The following TMEM108 variants were observed in gnomAD, a reference collection of about 807,000 sequenced individuals.
TMEM108 encodes transmembrane protein 108.
TMEM108 carries 12 observed loss-of-function variants against 35.1 expected under a neutral mutation model. The observed-to-expected ratio is 0.34, with a 90% CI of 0.22 to 0.55. The LOEUF is 0.55. Among genes scored for constraint, TMEM108 ranks in the 20% least tolerant of loss-of-function variants. TMEM108 has a pLI of 0.89. For synonymous variants in TMEM108, 287 were observed against 308.6 expected, an observed-to-expected ratio of 0.93 and a Z score of 0.73; for missense variants, 680 against 753.3, an observed-to-expected ratio of 0.90 and a Z score of 1.14.
At chr3:133,218,477 C>T (rs1945940953) in intron 2 of TMEM108, among the ~76,000 whole-genome samples, 1 of 151,844 alleles carries the variant, frequency 6.6e-6, no homozygotes, top group Non-Finnish European at 1.5e-5. Flanking sequence ...TGTCTTGTTC[C>T]TGATCTTAAA....
intron 2 of TMEM108, among the ~76,000 whole-genome samples, chr3:133,071,204 G>T (rs1434947628): frequency 1.3e-5 from 2 of 152,142 alleles, no homozygotes; most frequent in African/African-American, 4.8e-5. Flanking sequence ...GTGTATCACA[G>T]AGTGGGTGGC....
chr3:133,295,380 G>A (rs1023492323), intron 3 of TMEM108, among the ~76,000 whole-genome samples: 1 of 152,112 alleles, frequency 6.6e-6, no homozygotes, highest in Non-Finnish European at 1.5e-5. Flanking sequence ...AGCATGTGGT[G>A]GTAGGCCCAT....
chr3:133,224,693 C>T (rs1157820143), intron 2 of TMEM108, among the ~76,000 whole-genome samples: 5 of 152,092 alleles, frequency 3.3e-5, no homozygotes, highest in Admixed American at 6.5e-5. Flanking sequence ...GAGTCCTCCC[C>T]AGCCGTGTGG....
chr3:133,360,064 C>T (rs553063810), intron 3 of TMEM108, among the ~76,000 whole-genome samples: 12 of 147,126 alleles, frequency 8.2e-5, no homozygotes, highest in South Asian at 2.1e-4. Flanking sequence ...GGATAAATTT[C>T]GCAGATGTTA....
At chr3:133,195,620 G>A (rs760736622) in intron 2 of TMEM108, among the ~76,000 whole-genome samples, 10 of 152,108 alleles carry the variant, frequency 6.6e-5, no homozygotes, top group Non-Finnish European at 1.2e-4. Flanking sequence ...TTGAGTCCGC[G>A]GGATATATTG....
chr3:133,267,102 C>G lies in TMEM108; in HGVS notation c.40+37751C>G, dbSNP rs562242196. On this transcript the variant is annotated intron_variant, in intron 3 of 5. Transcript: ENST00000321871. ...CCTCAAAAAAAAAAAAAAAAGAACTCCCAAGGTAAAGGGATATAGTTGCTG... is the reference window on the plus strand; with the variant it reads ...CCTCAAAAAAAAAAAAAAAAGAACTGCCAAGGTAAAGGGATATAGTTGCTG... Among the ~76,000 whole-genome samples, 63 of 149,788 alleles carry G rather than the reference C, an allele frequency of 4.2e-4. 1 individual carries two copies. Among genetic ancestry groups the G allele is most frequent in the African/African-American group, 1.4e-3 (57 of 40,910 alleles).
chr3:133,154,448 T>C (rs1427421309), intron 2 of TMEM108, among the ~76,000 whole-genome samples: 2 of 152,130 alleles, frequency 1.3e-5, no homozygotes, highest in Non-Finnish European at 2.9e-5. Flanking sequence ...CTTTAATCCA[T>C]CTTGAATTAA....
intron 3 of TMEM108, among the ~76,000 whole-genome samples, chr3:133,306,981 C>G (rs1018946105): frequency 6.6e-6 from 1 of 152,184 alleles, no homozygotes; most frequent in African/African-American, 2.4e-5. Flanking sequence ...AATTTACACT[C>G]CCACCAACAG....
At chr3:133,342,334 T>C (rs1477402118) in intron 3 of TMEM108, among the ~76,000 whole-genome samples, 1 of 150,924 alleles carries the variant, frequency 6.6e-6, no homozygotes, top group African/African-American at 2.4e-5. Flanking sequence ...ATAATTTAAT[T>C]ATACATTTTA....
chr3:133,194,170 C>T (rs4854699), intron 2 of TMEM108, among the ~76,000 whole-genome samples: 30,428 of 151,950 alleles, frequency 0.2, 3,937 homozygotes, highest in East Asian at 0.39. Context: ...CTCCTGACCT[C>T]GTGATCCGCC....
intron 2 of TMEM108, among the ~76,000 whole-genome samples, chr3:133,220,422 G>A (rs1048382303): frequency 2.0e-5 from 3 of 151,964 alleles, no homozygotes; most frequent in South Asian, 2.1e-4. Flanking sequence ...GACTACAGGT[G>A]TGCACCACCA....
At chr3:133,223,722 A>G (rs1249988205) in intron 2 of TMEM108, among the ~76,000 whole-genome samples, 1 of 152,222 alleles carries the variant, frequency 6.6e-6, no homozygotes, top group African/African-American at 2.4e-5. Context: ...TAAGGTCACA[A>G]AATTAATGTC....
At chr3:133,252,730 C>A (rs927805741) in intron 3 of TMEM108, among the ~76,000 whole-genome samples, 4 of 152,170 alleles carry the variant, frequency 2.6e-5, no homozygotes, top group African/African-American at 9.6e-5. Flanking sequence ...TTGGAGACTT[C>A]TCTGAACCTC....
intron 3 of TMEM108, among the ~76,000 whole-genome samples, chr3:133,245,951 C>T (rs1376066912): frequency 3.3e-5 from 5 of 151,064 alleles, no homozygotes; most frequent in African/African-American, 1.2e-4. Flanking sequence ...GAAATATTTG[C>T]TTTCTTTTTT....
At position 133,395,983 on chromosome 3, in the gene TMEM108, C is replaced by G. The variant is rs371294939; in HGVS notation, c.1725C>G (p.Ile575Met). 19 of 1,588,358 alleles carry G rather than the reference C, an allele frequency of 1.2e-5. No homozygotes were observed. Among genetic ancestry groups the G allele is most frequent in the Non-Finnish European group, 1.5e-5 (18 of 1,167,864 alleles). ...TGGGAAACGATCAAGTATCTGAGATCTAACTACAGCAGGCATCACTTTGCC... is the reference window on the plus strand; with the variant it reads ...TGGGAAACGATCAAGTATCTGAGATGTAACTACAGCAGGCATCACTTTGCC... The part of the protein sequence containing the change: ...LFVGNDQVSE[I>M] The change falls in exon 6 of 6, where the codon ATC becomes ATG. Residue 575 changes from isoleucine to methionine, a missense_variant. Transcript: ENST00000321871.
chr3:133,368,471 G>T (rs2072562522), intron 3 of TMEM108, among the ~76,000 whole-genome samples: 1 of 152,200 alleles, frequency 6.6e-6, no homozygotes, highest in Non-Finnish European at 1.5e-5. Context: ...ACCATGGCGG[G>T]AGCAATTGTG....
intron 2 of TMEM108, among the ~76,000 whole-genome samples, chr3:133,084,123 A>T (rs372531755): frequency 4.6e-5 from 2 of 43,882 alleles, no homozygotes; most frequent in African/African-American, 9.2e-5. Context: ...TTCTTGAATT[A>T]AAAAAAAAAA....
chr3:133,094,217 T>TCCCCCCC (rs1576314941), intron 2 of TMEM108, among the ~76,000 whole-genome samples: 3 of 41,410 alleles, frequency 7.2e-5, no homozygotes, highest in Admixed American at 2.6e-4. Context: ...CCTTCCCACC[T>TCCCCCCC]CCCACCCCAC....
intron 3 of TMEM108, chr3:133,253,472 T>C (rs1012207483): frequency 1.3e-5 from 2 of 152,102 alleles, no homozygotes; most frequent in Non-Finnish European, 2.9e-5. Context: ...CAACAAAAAT[T>C]AGCCCAGAAT....
Sources: allele counts gnomAD v4.1 joint callset (sites outside exome capture counted in the v4.1 genomes callset), GRCh38; gene constraint gnomAD v4.1.1; transcripts MANE v1.5; gene names NCBI Gene and HGNC (gene_info 2026-07-23, HGNC 2026-07-21).